The following FHOD3 variants were observed in gnomAD, a reference collection of about 807,000 sequenced individuals.
FHOD3 encodes FH1/FH2 domain-containing protein 3.
In FHOD3, 90 loss-of-function variants were observed where a neutral mutation model predicts 173.0. That is an observed-to-expected ratio of 0.52 (90% CI 0.44 to 0.62). The LOEUF (loss-of-function observed/expected upper bound fraction) is 0.62, where lower values mean the gene tolerates loss of function less well. FHOD3 is among the 20% of genes least tolerant of loss of function. The pLI is 0.00. For missense variants in FHOD3, 1,945 were observed against 2,034.7 expected (o/e 0.96, Z 0.85); for synonymous variants, 828 against 823.0 (o/e 1.01, Z -0.10).
chr18:36,762,919 T>A (rs1191452892), intron 27 of FHOD3, among the ~76,000 whole-genome samples: 3 of 147,566 alleles, frequency 2.0e-5, no homozygotes, highest in Non-Finnish European at 4.5e-5. Flanking sequence ...ACGTTATATA[T>A]GTGTATTATA....
At chr18:36,527,570 G>A (rs1156478931) in intron 5 of FHOD3, among the ~76,000 whole-genome samples, 3 of 152,162 alleles carry the variant, frequency 2.0e-5, no homozygotes, top group African/African-American at 7.2e-5. Flanking sequence ...GGTGTGGTGG[G>A]CACATAGGGC....
At position 36,372,759 on chromosome 18, in the gene FHOD3, C is replaced by A; in HGVS notation, c.337+15C>A. The A allele has an allele frequency of 6.2e-7, 1 of 1,609,830 alleles. No homozygotes were observed. Among genetic ancestry groups the A allele is most frequent in the Non-Finnish European group, 8.5e-7 (1 of 1,176,400 alleles). The stretch of plus-strand genomic sequence containing the variant: ...TGCCTGCATCGGTGAGTGACACCTG[C>A]CCTCAGGAACTAAACATATGATGAA... On this transcript the variant is annotated intron_variant, in intron 3 of 28. Coordinates refer to ENST00000590592, the MANE Select transcript of FHOD3 (RefSeq NM_001281740.3).
intron 3 of FHOD3, among the ~76,000 whole-genome samples, chr18:36,428,927 T>A (rs1196402002): frequency 6.6e-6 from 1 of 152,210 alleles, no homozygotes; most frequent in Non-Finnish European, 1.5e-5. Context: ...CAGTGTGGGC[T>A]GGCTAGGCAC....
chr18:36,660,053 G>A (rs1223534169), intron 14 of FHOD3, among the ~76,000 whole-genome samples: 2 of 152,128 alleles, frequency 1.3e-5, no homozygotes, highest in African/African-American at 2.4e-5. Context: ...GGCAGATCAC[G>A]AGGTCAGGAG....
At chr18:36,371,025 T>A (rs755629535) in intron 2 of FHOD3, among the ~76,000 whole-genome samples, 3 of 152,238 alleles carry the variant, frequency 2.0e-5, no homozygotes, top group Non-Finnish European at 4.4e-5. Flanking sequence ...TTTGTGGAAA[T>A]CTGTGTTCAC....
chr18:36,704,441 C>G (rs186291964), intron 17 of FHOD3, among the ~76,000 whole-genome samples: 6 of 152,342 alleles, frequency 3.9e-5, no homozygotes, highest in Non-Finnish European at 8.8e-5. Flanking sequence ...TGGCCCAAGT[C>G]CTTCCTGCAG....
chr18:36,611,957 A>T lies in FHOD3; in HGVS notation c.819A>T (p.Leu273Phe). ...TGGTTCTTCTCTTCTTCCAGACGTT[A>T]TCAGGACTACCAGACCAAGACACCT... Reference protein sequence around the residue: ...VYAMTLVNKTLSGLPDQDTFY... With the variant: ...VYAMTLVNKTFSGLPDQDTFY... The change falls in exon 9 of 29, where the codon TTA (leucine) becomes TTT (phenylalanine). Residue 273 changes from leucine (L) to phenylalanine (F), a missense_variant. By Grantham distance (22) the Leu-to-Phe change is conservative. Coordinates refer to ENST00000590592, the MANE Select transcript of FHOD3 (RefSeq NM_001281740.3). 1.2e-6 allele frequency: 2 copies of T among 1,613,716 alleles called. No homozygotes were observed. The highest frequency in any genetic ancestry group is 1.7e-6 in the Non-Finnish European group (2 of 1,179,848).
At chr18:36,357,001 A>G (rs2046392371) in intron 2 of FHOD3, among the ~76,000 whole-genome samples, 1 of 152,122 alleles carries the variant, frequency 6.6e-6, no homozygotes, top group South Asian at 2.1e-4. Flanking sequence ...GAAACTTAAG[A>G]GTTTCCCTGA....
At chr18:36,324,354 C>T (rs1221071834) in intron 1 of FHOD3, among the ~76,000 whole-genome samples, 2 of 152,040 alleles carry the variant, frequency 1.3e-5, no homozygotes, top group African/African-American at 4.8e-5. Flanking sequence ...AAAACACTAG[C>T]CATAAAGGAA....
In FHOD3 at chr18:36,512,550, C is replaced by T; in HGVS notation, c.511+7C>T. The T allele has an allele frequency of 6.3e-7, 1 of 1,595,404 alleles. No homozygotes were observed. Among genetic ancestry groups the T allele is most frequent in the Non-Finnish European group, 8.6e-7 (1 of 1,163,556 alleles). On this transcript the variant is annotated splice_region_variant and intron_variant, in intron 5 of 28. Coordinates refer to ENST00000590592, the MANE Select transcript of FHOD3 (RefSeq NM_001281740.3). ...CAGAACTACATCTTAAGGGGTAAGT[C>T]ATGACTGGGCATGCAGCAGCTGCCC...
chr18:36,724,492 G>A (rs565423755), intron 19 of FHOD3, among the ~76,000 whole-genome samples: 1 of 152,164 alleles, frequency 6.6e-6, no homozygotes, highest in African/African-American at 2.4e-5. Context: ...CAGGAATCCT[G>A]TGACTCTTCT....
intron 10 of FHOD3, among the ~76,000 whole-genome samples, chr18:36,628,257 C>A (rs1408667947): frequency 6.6e-6 from 1 of 152,138 alleles, no homozygotes; most frequent in African/African-American, 2.4e-5. Context: ...GTGCCTATTC[C>A]AAATCACAGG....
Position 36,702,203 on chromosome 18 carries a change from A to C in FHOD3, c.2237-6892A>C, listed in dbSNP as rs572227250. ...AGACATTTTCAGTTGCCACAATAGC[A>C]GAGGAGAAGTGGAAGGTTGGTGCTG... On this transcript the variant is annotated intron_variant, in intron 17 of 28. Coordinates refer to ENST00000590592, the MANE Select transcript of FHOD3 (RefSeq NM_001281740.3). Among the ~76,000 whole-genome samples the C allele has an allele frequency of 2.0e-4, 31 of 152,286 alleles. 1 individual carries two copies. Among genetic ancestry groups the C allele is most frequent in the African/African-American group, 6.7e-4 (28 of 41,564 alleles).
chr18:36,584,714 G>T (rs1311394531), intron 6 of FHOD3, among the ~76,000 whole-genome samples: 1 of 152,146 alleles, frequency 6.6e-6, no homozygotes, highest in Non-Finnish European at 1.5e-5. Flanking sequence ...GCTGAGACAG[G>T]AAGATCCCTG....
At chr18:36,521,954 C>A (rs1211276353) in intron 5 of FHOD3, among the ~76,000 whole-genome samples, 1 of 152,216 alleles carries the variant, frequency 6.6e-6, no homozygotes, top group Non-Finnish European at 1.5e-5. Flanking sequence ...CTGGTTCACA[C>A]ATTATCTTTT....
chr18:36,446,889 T>G (rs1181491434), intron 3 of FHOD3, among the ~76,000 whole-genome samples: 1 of 152,028 alleles, frequency 6.6e-6, no homozygotes, highest in African/African-American at 2.4e-5. Context: ...CACTAAAAAC[T>G]TCTAAAATGA....
chr18:36,732,599 G>T (rs542757058), intron 20 of FHOD3, among the ~76,000 whole-genome samples: 1 of 152,184 alleles, frequency 6.6e-6, no homozygotes, highest in Non-Finnish European at 1.5e-5. Flanking sequence ...GGGCCCACTC[G>T]AATCCAGGAA....
At chr18:36,605,827 A>T (rs1004631055) in intron 8 of FHOD3, among the ~76,000 whole-genome samples, 12 of 152,218 alleles carry the variant, frequency 7.9e-5, no homozygotes, top group Non-Finnish European at 1.3e-4. Flanking sequence ...GAAATCTGGG[A>T]AATTATATTG....
At chr18:36,630,206 A>C (rs750023211) in intron 10 of FHOD3, among the ~76,000 whole-genome samples, 21 of 152,190 alleles carry the variant, frequency 1.4e-4, no homozygotes, top group Non-Finnish European at 2.6e-4. Flanking sequence ...TTTTTCAGAG[A>C]ATATAATCAG....
Sources: allele counts gnomAD v4.1 joint callset (sites outside exome capture counted in the v4.1 genomes callset), GRCh38; gene constraint gnomAD v4.1.1; transcripts MANE v1.5; gene names NCBI Gene and HGNC (gene_info 2026-07-23, HGNC 2026-07-21).